The following KIAA1549L variants were observed in gnomAD, a reference collection of about 807,000 sequenced individuals.
KIAA1549L encodes the protein KIAA1549 like, also known as UPF0606 protein KIAA1549L.
A neutral mutation model predicts 160.7 loss-of-function variants in KIAA1549L; 88 were observed. That is an observed-to-expected ratio of 0.55 (90% confidence interval 0.46 to 0.65). The LOEUF (loss-of-function observed/expected upper bound fraction) is 0.65. Ranked by LOEUF, KIAA1549L falls within the 30% of genes least tolerant of loss-of-function variation. The pLI is 0.00. For missense variants in KIAA1549L, 2,258 were observed against 2,437.5 expected (o/e 0.93, Z 1.55); for synonymous variants, 950 against 976.7 (o/e 0.97, Z 0.51).
At chr11:33,559,940 C>G (rs2133215870) in intron 7 of KIAA1549L, 29 bp downstream of exon 7, 2 of 1,604,132 alleles carry the variant, frequency 1.2e-6, no homozygotes, top group African/African-American at 2.7e-5. Context: ...ATGGGGACCC[C>G]AGTGTTTCCC....
At chr11:33,589,740 A>T (rs11032309) in intron 11 of KIAA1549L, among the ~76,000 whole-genome samples, 3 of 150,890 alleles carry the variant, frequency 2.0e-5, no homozygotes, top group Admixed American at 1.3e-4. Context: ...GAAGGGAGAC[A>T]TCACACACCA....
chr11:33,418,856 C>A (rs2134099241), intron 1 of KIAA1549L, among the ~76,000 whole-genome samples: 1 of 151,752 alleles, frequency 6.6e-6, no homozygotes, highest in South Asian at 2.1e-4. Flanking sequence ...GCTGTTCTGG[C>A]CCTTTATGTC....
intron 1 of KIAA1549L, among the ~76,000 whole-genome samples, chr11:33,503,720 T>G (rs190105096): frequency 4.1e-4 from 63 of 152,368 alleles, no homozygotes; most frequent in African/African-American, 1.5e-3. Flanking sequence ...GTTCCTTTAC[T>G]TGGGAATTTC....
At chr11:33,483,051 C>T (rs1852445536) in intron 1 of KIAA1549L, among the ~76,000 whole-genome samples, 1 of 152,132 alleles carries the variant, frequency 6.6e-6, no homozygotes, top group African/African-American at 2.4e-5. Context: ...ATCCTCCTTT[C>T]ATGCATCATT....
intron 1 of KIAA1549L, among the ~76,000 whole-genome samples, chr11:33,534,335 G>T (rs1272464764): frequency 6.6e-6 from 1 of 151,250 alleles, no homozygotes; most frequent in Non-Finnish European, 1.5e-5. Flanking sequence ...CAAGTCATCT[G>T]CTCCCCCTTG....
rs117380033 is a variant in KIAA1549L, at chr11:33,391,166, A to G, written c.238+14277A>G. ...CCTAGTAGGCACTCAGCGATGCTTTATAAAAAATTGCAATTTCCTTTGATT... is the reference window on the plus strand; with the variant it reads ...CCTAGTAGGCACTCAGCGATGCTTTGTAAAAAATTGCAATTTCCTTTGATT... On this transcript the variant is annotated intron_variant, in intron 1 of 20. Transcript: ENST00000658780. Among the ~76,000 whole-genome samples, 1,177 of 152,360 alleles carry G rather than the reference A, an allele frequency of 7.7e-3. 14 individuals carry two copies. Among genetic ancestry groups the G allele is most frequent in the Non-Finnish European group, 0.01 (702 of 68,032 alleles).
At chr11:33,443,280 A>G (rs534792181) in intron 1 of KIAA1549L, among the ~76,000 whole-genome samples, 6 of 151,560 alleles carry the variant, frequency 4.0e-5, no homozygotes, top group African/African-American at 7.3e-5. Flanking sequence ...GATTACAGGC[A>G]TGAGCCACCA....
At chr11:33,562,575 GCCCT>G (rs1854900231) in intron 8 of KIAA1549L, among the ~76,000 whole-genome samples, 1 of 151,998 alleles carries the variant, frequency 6.6e-6, no homozygotes, top group Non-Finnish European at 1.5e-5. Context: ...GTCTTCACAT[GCCCT>G]TCCCTCTGGG....
chr11:33,550,260 G>A, intron 4 of KIAA1549L, among the ~76,000 whole-genome samples: 1 of 151,464 alleles, frequency 6.6e-6, no homozygotes, highest in East Asian at 1.9e-4. Context: ...ATACGTATGT[G>A]TATATATGTT....
chr11:33,435,836 ATGTATATG>A (rs1565136053), intron 1 of KIAA1549L, among the ~76,000 whole-genome samples: 3 of 65,994 alleles, frequency 4.5e-5, no homozygotes, highest in Non-Finnish European at 8.4e-5. Flanking sequence ...ATATATGTAT[ATGTATATG>A]TGTGTGTGTG....
intron 1 of KIAA1549L, among the ~76,000 whole-genome samples, chr11:33,421,720 T>A (rs1029728966): frequency 6.6e-6 from 1 of 152,204 alleles, no homozygotes; most frequent in African/African-American, 2.4e-5. Flanking sequence ...ACATCAATAA[T>A]AATGCAGATT....
chr11:33,525,296 G>C (rs1036714632), intron 1 of KIAA1549L, among the ~76,000 whole-genome samples: 1 of 152,178 alleles, frequency 6.6e-6, no homozygotes, highest in African/African-American at 2.4e-5. Context: ...ATCCCCACTG[G>C]AGAACCTGAA....
chr11:33,405,939 C>G (rs936181403), intron 1 of KIAA1549L, among the ~76,000 whole-genome samples: 5 of 150,674 alleles, frequency 3.3e-5, no homozygotes, highest in Admixed American at 2.7e-4. Context: ...GAGGAAGGCT[C>G]TATGTTAATG....
At chr11:33,512,567 T>C (rs995812334) in intron 1 of KIAA1549L, among the ~76,000 whole-genome samples, 4 of 152,106 alleles carry the variant, frequency 2.6e-5, no homozygotes, top group African/African-American at 7.2e-5. Flanking sequence ...GGACTACAGG[T>C]ACCTGCTACC....
At chr11:33,491,006 T>C (rs1460130162) in intron 1 of KIAA1549L, among the ~76,000 whole-genome samples, 1 of 152,252 alleles carries the variant, frequency 6.6e-6, no homozygotes, top group Non-Finnish European at 1.5e-5. Flanking sequence ...ACTTTGTTCC[T>C]ATCTGTCATT....
chr11:33,600,536 T>A (rs1374509494), intron 13 of KIAA1549L, among the ~76,000 whole-genome samples: 1 of 137,318 alleles, frequency 7.3e-6, no homozygotes, highest in Non-Finnish European at 1.6e-5. Flanking sequence ...CTCCGCCTAC[T>A]CCCTCCCCTC....
chr11:33,538,772 A>G (rs572123656), intron 1 of KIAA1549L, among the ~76,000 whole-genome samples: 3 of 152,296 alleles, frequency 2.0e-5, no homozygotes, highest in East Asian at 1.9e-4. Flanking sequence ...TTTTACATGT[A>G]GATATTATTT....
At chr11:33,409,971 CT>C (rs1258283122) in intron 1 of KIAA1549L, among the ~76,000 whole-genome samples, 1 of 152,086 alleles carries the variant, frequency 6.6e-6, no homozygotes, top group African/African-American at 2.4e-5. Flanking sequence ...CAAAGAACAT[CT>C]TGTTTTTTTT....
At chr11:33,593,268 A>G (rs7110105) in intron 12 of KIAA1549L, among the ~76,000 whole-genome samples, 31,869 of 152,004 alleles carry the variant, frequency 0.21, 3,722 homozygotes, top group East Asian at 0.36. Flanking sequence ...CGTCTCTACA[A>G]AATAAAATTA....
Sources: allele counts gnomAD v4.1 joint callset (sites outside exome capture counted in the v4.1 genomes callset), GRCh38; gene constraint gnomAD v4.1.1; transcripts MANE v1.5; gene names NCBI Gene and HGNC (gene_info 2026-07-23, HGNC 2026-07-21).